DLG2: variants seen among roughly 807,000 people sequenced by gnomAD.
The protein encoded by DLG2 is disks large homolog 2.
DLG2 carries 45 observed loss-of-function variants against 132.5 expected under a neutral mutation model. The observed-to-expected ratio is 0.34, with a 90% CI of 0.27 to 0.44. The LOEUF is 0.44. DLG2 is among the 20% of genes least tolerant of loss of function. DLG2 has a pLI of 1.00. For synonymous variants in DLG2, 424 were observed against 419.6 expected, an observed-to-expected ratio of 1.01 and a Z score of -0.13; for missense variants, 1,045 against 1,196.9, an observed-to-expected ratio of 0.87 and a Z score of 1.87.
intron 22 of DLG2, among the ~76,000 whole-genome samples, chr11:83,477,091 T>C (rs573504494): frequency 3.9e-5 from 6 of 152,202 alleles, no homozygotes; most frequent in Admixed American, 3.9e-4. Context: ...TGAGCACTAA[T>C]GGGTTGGAAG....
chr11:84,352,178 A>G lies in DLG2; in HGVS notation c.520-100887T>C, dbSNP rs555562863. Among the ~76,000 whole-genome samples, 14 of 152,316 alleles carry G rather than the reference A, an allele frequency of 9.2e-5. No homozygotes were observed. The South Asian group carries it at 1.9e-3, about 20-fold the overall frequency. Reference sequence around the variant, plus strand: ...GCTCTTGCTCCACAGCATGGCATGAAGTAGATGTGTTTTTCTCCTACTAGC... The same window carrying G: ...GCTCTTGCTCCACAGCATGGCATGAGGTAGATGTGTTTTTCTCCTACTAGC... On this transcript the variant is annotated intron_variant, in intron 7 of 27. Coordinates refer to ENST00000376104, the MANE Select transcript of DLG2 (RefSeq NM_001142699.3).
chr11:85,284,383 A>C (rs147881124), intron 4 of DLG2, among the ~76,000 whole-genome samples: 36 of 152,026 alleles, frequency 2.4e-4, no homozygotes, highest in African/African-American at 7.7e-4. Context: ...CAATATTAAC[A>C]ATACAAACTC....
chr11:83,599,505 T>A (rs751066684), intron 19 of DLG2, among the ~76,000 whole-genome samples: 7 of 152,204 alleles, frequency 4.6e-5, no homozygotes, highest in Non-Finnish European at 7.3e-5. Context: ...CCAAAAAGCA[T>A]CTTAGGTTTT....
chr11:84,404,314 T>C (rs2098840950), intron 7 of DLG2, among the ~76,000 whole-genome samples: 2 of 152,116 alleles, frequency 1.3e-5, no homozygotes, highest in Admixed American at 6.6e-5. Context: ...CTCCTTCCCA[T>C]CTCCACCTTT....
chr11:84,537,873 T>A (rs2099359280), intron 6 of DLG2, among the ~76,000 whole-genome samples: 1 of 152,234 alleles, frequency 6.6e-6, no homozygotes. Context: ...CAATACTATT[T>A]TGGCTACTGG....
intron 6 of DLG2, among the ~76,000 whole-genome samples, chr11:84,651,523 T>C (rs1289296162): frequency 6.6e-6 from 1 of 152,126 alleles, no homozygotes; most frequent in Non-Finnish European, 1.5e-5. Flanking sequence ...TTCAAAGCCA[T>C]AAAGAGAGCA....
chr11:83,517,845 G>T (rs1164125395), intron 21 of DLG2, among the ~76,000 whole-genome samples: 8 of 152,212 alleles, frequency 5.3e-5, no homozygotes, highest in African/African-American at 1.9e-4. Context: ...GGATATTGGT[G>T]AACAGCAAAT....
intron 9 of DLG2, among the ~76,000 whole-genome samples, chr11:84,161,772 C>T (rs1004461337): frequency 3.9e-5 from 6 of 152,108 alleles, no homozygotes; most frequent in Non-Finnish European, 7.4e-5. Flanking sequence ...AAAGGCCCCA[C>T]GTTTTCATGT....
chr11:85,239,969 C>G (rs1189011343), intron 4 of DLG2, among the ~76,000 whole-genome samples: 3 of 151,892 alleles, frequency 2.0e-5, no homozygotes, highest in Non-Finnish European at 2.9e-5. Context: ...TTTTACAAGA[C>G]CATGCCAAAC....
intron 3 of DLG2, among the ~76,000 whole-genome samples, chr11:85,468,758 T>C (rs1348693202): frequency 2.0e-5 from 3 of 152,290 alleles, no homozygotes; most frequent in Non-Finnish European, 4.4e-5. Context: ...GGAATAGGTG[T>C]GGTGTGGTGC....
chr11:84,133,271 A>G (rs546554130), intron 9 of DLG2, among the ~76,000 whole-genome samples: 1 of 152,172 alleles, frequency 6.6e-6, no homozygotes, highest in Admixed American at 6.6e-5. Flanking sequence ...AATTCCAGTG[A>G]ATCCCAGGGC....
chr11:83,511,031 G>GAA (rs33969673), intron 21 of DLG2, among the ~76,000 whole-genome samples: 27,736 of 129,744 alleles, frequency 0.21, 3,537 homozygotes, highest in Middle Eastern at 0.24. Context: ...TACGTTTTGA[G>GAA]AAAAAAAAAA....
intron 8 of DLG2, among the ~76,000 whole-genome samples, chr11:84,229,380 C>T (rs2097058187): frequency 6.6e-6 from 1 of 152,130 alleles, no homozygotes; most frequent in Non-Finnish European, 1.5e-5. Context: ...TCTTGATCCA[C>T]GTAACCCAAG....
intron 3 of DLG2, among the ~76,000 whole-genome samples, chr11:85,522,081 G>C (rs1245042261): frequency 6.6e-6 from 1 of 152,130 alleles, no homozygotes; most frequent in Non-Finnish European, 1.5e-5. Context: ...TCCCATCACA[G>C]ACCCCAAGGC....
chr11:85,539,558 T>C (rs919269935), intron 3 of DLG2, among the ~76,000 whole-genome samples: 6 of 152,152 alleles, frequency 3.9e-5, no homozygotes, highest in South Asian at 2.1e-4. Context: ...TATGGAAATA[T>C]TCTGGAGCTA....
chr11:85,429,742 A>G (rs899651546), intron 3 of DLG2, among the ~76,000 whole-genome samples: 2 of 152,218 alleles, frequency 1.3e-5, no homozygotes, highest in African/African-American at 4.8e-5. Context: ...AAATGGGAAC[A>G]CTTTTACACT....
chr11:83,997,608 G>T (rs2094113525), intron 11 of DLG2, among the ~76,000 whole-genome samples: 1 of 150,308 alleles, frequency 6.7e-6, no homozygotes, highest in Non-Finnish European at 1.5e-5. Flanking sequence ...GTGCATGCCT[G>T]TAGTCCCAGC....
chr11:83,727,620 A>T (rs1481590305), intron 18 of DLG2, among the ~76,000 whole-genome samples: 1 of 152,138 alleles, frequency 6.6e-6, no homozygotes, highest in East Asian at 1.9e-4. Flanking sequence ...CCTGCTTCCT[A>T]TTCTGTTCAA....
chr11:83,909,721 C>T (rs1770521354), intron 15 of DLG2, among the ~76,000 whole-genome samples: 1 of 152,126 alleles, frequency 6.6e-6, no homozygotes, highest in African/African-American at 2.4e-5. Flanking sequence ...ACCCAAGGGT[C>T]ATTAATTGTT....
Sources: allele counts gnomAD v4.1 joint callset (sites outside exome capture counted in the v4.1 genomes callset), GRCh38; gene constraint gnomAD v4.1.1; transcripts MANE v1.5; gene names NCBI Gene and HGNC (gene_info 2026-07-23, HGNC 2026-07-21).